The following CNTNAP2 variants were observed in gnomAD, a reference collection of about 807,000 sequenced individuals.
CNTNAP2 encodes contactin associated protein 2.
A neutral mutation model predicts 155.2 loss-of-function variants in CNTNAP2; 98 were observed. That is an observed-to-expected ratio of 0.63 (90% confidence interval 0.54 to 0.75). The LOEUF (loss-of-function observed/expected upper bound fraction) is 0.75, where lower values mean the gene tolerates loss of function less well. Among genes scored for constraint, CNTNAP2 ranks in the 30% least tolerant of loss-of-function variants. The pLI is 0.00. For missense variants in CNTNAP2, 1,727 were observed against 1,688.1 expected, an observed-to-expected ratio of 1.02 and a Z score of -0.40; for synonymous variants, 651 against 631.2, an observed-to-expected ratio of 1.03 and a Z score of -0.47.
chr7:146,490,746 A>G (rs781356648), intron 1 of CNTNAP2, among the ~76,000 whole-genome samples: 15 of 152,174 alleles, frequency 9.9e-5, no homozygotes, highest in Non-Finnish European at 2.1e-4. Flanking sequence ...TTATCTTTAA[A>G]TTCCCAAAGT....
chr7:148,374,185 G>A (rs1798940301), intron 21 of CNTNAP2, among the ~76,000 whole-genome samples: 1 of 151,936 alleles, frequency 6.6e-6, no homozygotes, highest in Non-Finnish European at 1.5e-5. Context: ...TGCGATCTTA[G>A]TCCTCAAAGG....
intron 1 of CNTNAP2, among the ~76,000 whole-genome samples, chr7:146,400,108 T>G (rs777384722): frequency 2.6e-5 from 4 of 151,192 alleles, no homozygotes; most frequent in Non-Finnish European, 2.9e-5. Flanking sequence ...CAAACCTCCC[T>G]CCCTCCCTCC....
intron 15 of CNTNAP2, among the ~76,000 whole-genome samples, chr7:148,059,240 A>G (rs1803084262): frequency 6.6e-6 from 1 of 152,074 alleles, no homozygotes; most frequent in South Asian, 2.1e-4. Flanking sequence ...GTAAGTGGAG[A>G]TCATGCCACT....
chr7:147,238,585 A>T (rs958670680), intron 8 of CNTNAP2, among the ~76,000 whole-genome samples: 1 of 152,084 alleles, frequency 6.6e-6, no homozygotes, highest in Non-Finnish European at 1.5e-5. Context: ...AATGTTAGCC[A>T]ACTCTCCTGC....
chr7:147,487,376 A>G (rs1798528488), intron 11 of CNTNAP2, among the ~76,000 whole-genome samples: 1 of 152,206 alleles, frequency 6.6e-6, no homozygotes, highest in Non-Finnish European at 1.5e-5. Flanking sequence ...AAAGAGTTAT[A>G]ACTAAAATTG....
At chr7:146,974,582 G>C (rs1797869869) in intron 3 of CNTNAP2, among the ~76,000 whole-genome samples, 1 of 152,122 alleles carries the variant, frequency 6.6e-6, no homozygotes, top group African/African-American at 2.4e-5. Context: ...CGACTTGTAG[G>C]CAAAGTTATC....
chr7:146,939,710 T>G (rs1797006317), intron 3 of CNTNAP2, among the ~76,000 whole-genome samples: 1 of 152,152 alleles, frequency 6.6e-6, no homozygotes, highest in Admixed American at 6.6e-5. Flanking sequence ...GCATCCCAAT[T>G]TTATGGTTAT....
intron 21 of CNTNAP2, among the ~76,000 whole-genome samples, chr7:148,284,813 A>G (rs1216481311): frequency 1.3e-5 from 2 of 152,240 alleles, no homozygotes; most frequent in African/African-American, 4.8e-5. Context: ...TGGAATAAAA[A>G]GAAATCAAGT....
chr7:146,666,358 T>C (rs1161891984), intron 1 of CNTNAP2, among the ~76,000 whole-genome samples: 1 of 152,220 alleles, frequency 6.6e-6, no homozygotes, highest in Non-Finnish European at 1.5e-5. Flanking sequence ...AATAGTATTC[T>C]GTTGTGTATA....
chr7:146,964,494 T>C (rs933820911), intron 3 of CNTNAP2, among the ~76,000 whole-genome samples: 2 of 152,334 alleles, frequency 1.3e-5, no homozygotes, highest in African/African-American at 4.8e-5. Context: ...AGCTGCAGTG[T>C]TGGATATCTT....
At chr7:146,775,678 G>A (rs1181828412) in intron 2 of CNTNAP2, among the ~76,000 whole-genome samples, 3 of 151,136 alleles carry the variant, frequency 2.0e-5, no homozygotes, top group Non-Finnish European at 4.4e-5. Flanking sequence ...ACAAGAAGAA[G>A]AAAATAAAGA....
chr7:146,691,311 A>T (rs1228420013), intron 1 of CNTNAP2, among the ~76,000 whole-genome samples: 27 of 151,638 alleles, frequency 1.8e-4, no homozygotes. Context: ...GTCACAACTC[A>T]ATAAACCCAT....
At chr7:146,722,640 C>T (rs1801357415) in intron 1 of CNTNAP2, among the ~76,000 whole-genome samples, 2 of 152,124 alleles carry the variant, frequency 1.3e-5, no homozygotes, top group South Asian at 4.2e-4. Flanking sequence ...TGTTAGAAAA[C>T]ACTAGGCATT....
intron 13 of CNTNAP2, 58 bp downstream of exon 13, chr7:147,639,364 C>A: frequency 6.7e-7 from 1 of 1,496,524 alleles, no homozygotes; most frequent in South Asian, 1.2e-5. Context: ...CTTAGAATTG[C>A]CTAAAGAATC....
chr7:146,268,588 G>T (rs1319122251), intron 1 of CNTNAP2, among the ~76,000 whole-genome samples: 1 of 152,092 alleles, frequency 6.6e-6, no homozygotes, highest in Non-Finnish European at 1.5e-5. Context: ...ATCTGGATCT[G>T]CTTTTCCATC....
At chr7:148,291,471 A>G (rs193230873) in intron 21 of CNTNAP2, among the ~76,000 whole-genome samples, 2 of 152,204 alleles carry the variant, frequency 1.3e-5, no homozygotes, top group Admixed American at 1.3e-4. Flanking sequence ...CACAAGAGAA[A>G]GATGTAGGCT....
At chr7:148,270,822 G>A (rs892058947) in intron 21 of CNTNAP2, among the ~76,000 whole-genome samples, 4 of 152,196 alleles carry the variant, frequency 2.6e-5, no homozygotes, top group Non-Finnish European at 4.4e-5. Flanking sequence ...TTCTACCTCT[G>A]TTAGCATTGA....
chr7:148,415,514 A>G lies in CNTNAP2; in HGVS notation c.3894A>G (p.Ala1298=). Residue 1298 remains alanine (A), a synonymous_variant, in exon 24 of 24, where the codon GCA becomes GCG. Coordinates refer to ENST00000361727, the MANE Select transcript of CNTNAP2 (RefSeq NM_014141.6). ...RHKGTYHTNE[A]KGAESAESAD... ...AGGGCACCTACCATACCAACGAAGC[A>G]AAGGGGGCGGAGTCGGCAGAGAGCG... The G allele has an allele frequency of 1.2e-6, 2 of 1,614,214 alleles. No homozygotes were observed. The highest frequency in any genetic ancestry group is 1.7e-6 in the Non-Finnish European group (2 of 1,180,020).
intron 1 of CNTNAP2, among the ~76,000 whole-genome samples, chr7:146,313,057 C>T (rs542391968): frequency 1.4e-4 from 22 of 152,248 alleles, no homozygotes; most frequent in African/African-American, 5.3e-4. Flanking sequence ...GATTTCACTA[C>T]CTTTGGAATA....
Sources: allele counts gnomAD v4.1 joint callset (sites outside exome capture counted in the v4.1 genomes callset), GRCh38; gene constraint gnomAD v4.1.1; transcripts MANE v1.5; gene names NCBI Gene and HGNC (gene_info 2026-07-23, HGNC 2026-07-21).